Variants in BCAR3 observed in about 807,000 individuals in gnomAD.
BCAR3 encodes breast cancer anti-estrogen resistance protein 3.
Under a neutral mutation model 80.1 loss-of-function variants are expected in BCAR3, and 37 were observed. The ratio of observed to expected loss-of-function variants is 0.46; its 90% CI spans 0.36 to 0.61. The LOEUF (loss-of-function observed/expected upper bound fraction) is 0.61, where lower values mean the gene tolerates loss of function less well. Among genes scored for constraint, BCAR3 ranks in the 20% least tolerant of loss-of-function variants. The probability of loss-of-function intolerance (pLI) is 0.00; values close to 1 mark genes in which losing one functional copy is unlikely to be tolerated. For missense variants in BCAR3, 978 were observed against 1,068.2 expected (o/e 0.92, Z 1.18); for synonymous variants, 389 against 418.9 (o/e 0.93, Z 0.87).
intron 2 of BCAR3, among the ~76,000 whole-genome samples, chr1:93,813,334 G>A (rs1387624080): frequency 6.6e-6 from 1 of 152,122 alleles, no homozygotes. Context: ...GTGGGCTGAA[G>A]CCACACTTTA....
At chr1:93,763,008 A>G (rs760763768) in intron 2 of BCAR3, among the ~76,000 whole-genome samples, 2 of 152,164 alleles carry the variant, frequency 1.3e-5, no homozygotes, top group Non-Finnish European at 2.9e-5. Flanking sequence ...GGTTCATTCC[A>G]AAAGACAAAT....
intron 2 of BCAR3, among the ~76,000 whole-genome samples, chr1:93,790,072 C>T (rs780465293): frequency 1.2e-4 from 18 of 152,082 alleles, no homozygotes; most frequent in Non-Finnish European, 2.2e-4. Context: ...CATTCTATGG[C>T]TATTAGTTCA....
At chr1:93,571,971 A>AT in intron 8 of BCAR3, 130 bp from the exon 9 acceptor site, 1 of 1,114,128 alleles carries the variant, frequency 9.0e-7, no homozygotes, top group Non-Finnish European at 1.3e-6. Context: ...CCGGCAGCAC[A>AT]GTTTAGACGG....
chr1:93,597,399 C>T (rs1323183446), intron 3 of BCAR3, among the ~76,000 whole-genome samples: 1 of 152,188 alleles, frequency 6.6e-6, no homozygotes, highest in African/African-American at 2.4e-5. Flanking sequence ...CTAGCTACAT[C>T]TTTCCTATCC....
chr1:93,598,616 G>C (rs1015959470), intron 3 of BCAR3, among the ~76,000 whole-genome samples: 1 of 152,210 alleles, frequency 6.6e-6, no homozygotes, highest in African/African-American at 2.4e-5. Flanking sequence ...GACACACAAA[G>C]AACAGTTTAA....
At chr1:93,604,999 A>C (rs1319544510) in intron 3 of BCAR3, among the ~76,000 whole-genome samples, 1 of 152,176 alleles carries the variant, frequency 6.6e-6, no homozygotes, top group Non-Finnish European at 1.5e-5. Flanking sequence ...CTCAGCTCCA[A>C]GGGGGTCTCA....
At chr1:93,688,066 C>T (rs1281933233) in intron 3 of BCAR3, among the ~76,000 whole-genome samples, 1 of 152,198 alleles carries the variant, frequency 6.6e-6, no homozygotes, top group Non-Finnish European at 1.5e-5. Context: ...AAGTCTTACC[C>T]TCTAGGTGCC....
intron 2 of BCAR3, among the ~76,000 whole-genome samples, chr1:93,799,307 G>A (rs910905337): frequency 4.6e-5 from 7 of 152,296 alleles, no homozygotes; most frequent in Non-Finnish European, 8.8e-5. Context: ...CAAAGCAGGC[G>A]CCCTTGTAAG....
intron 2 of BCAR3, among the ~76,000 whole-genome samples, chr1:93,670,610 CT>C (rs1419550181): frequency 1.3e-5 from 2 of 152,144 alleles, no homozygotes; most frequent in African/African-American, 2.4e-5. Flanking sequence ...AAGGTATGAT[CT>C]TAGGTGCCTC....
At chr1:93,707,944 G>A (rs187897926) in intron 2 of BCAR3, among the ~76,000 whole-genome samples, 142 of 152,190 alleles carry the variant, frequency 9.3e-4, no homozygotes, top group African/African-American at 3.2e-3. Flanking sequence ...AATAAACAAC[G>A]AGGTAAATAG....
At chr1:93,650,039 C>T (rs1676273258) in intron 2 of BCAR3, among the ~76,000 whole-genome samples, 1 of 149,954 alleles carries the variant, frequency 6.7e-6, no homozygotes, top group Non-Finnish European at 1.5e-5. Flanking sequence ...TGATCAAATT[C>T]ATTAATCAAG....
intron 2 of BCAR3, among the ~76,000 whole-genome samples, chr1:93,728,929 G>A (rs551810423): frequency 3.3e-5 from 5 of 152,216 alleles, no homozygotes; most frequent in Admixed American, 1.3e-4. Flanking sequence ...ACTTAGGTCC[G>A]TGGGGGTGGA....
At chr1:93,758,400 G>C (rs537193814) in intron 2 of BCAR3, among the ~76,000 whole-genome samples, 58 of 152,338 alleles carry the variant, frequency 3.8e-4, no homozygotes, top group Admixed American at 3.2e-3. Flanking sequence ...CAGACCCAGT[G>C]TGAAGAAGAA....
intron 2 of BCAR3, chr1:93,753,077 A>C (rs1264222224): frequency 6.6e-6 from 1 of 152,234 alleles, no homozygotes; most frequent in African/African-American, 2.4e-5. Context: ...TTAAAATTAC[A>C]GTTTAAATGT....
intron 2 of BCAR3, among the ~76,000 whole-genome samples, chr1:93,723,783 A>G (rs1650488832): frequency 1.3e-5 from 2 of 152,228 alleles, no homozygotes; most frequent in South Asian, 4.2e-4. Context: ...TGTGATAACC[A>G]CTGAAGGAGG....
At chr1:93,629,735 T>G (rs1320517136) in intron 3 of BCAR3, among the ~76,000 whole-genome samples, 6 of 152,182 alleles carry the variant, frequency 3.9e-5, no homozygotes, top group Non-Finnish European at 7.4e-5. Context: ...AGTTACTGAC[T>G]CCCTATAGTT....
intron 2 of BCAR3, among the ~76,000 whole-genome samples, chr1:93,661,677 C>A (rs540225619): frequency 1.4e-4 from 21 of 151,290 alleles, no homozygotes; most frequent in African/African-American, 4.9e-4. Flanking sequence ...TTAATAGAGA[C>A]GGGGTTTCAC....
At chr1:93,636,051 T>C (rs551740141) in intron 3 of BCAR3, among the ~76,000 whole-genome samples, 3 of 152,346 alleles carry the variant, frequency 2.0e-5, no homozygotes, top group Non-Finnish European at 4.4e-5. Context: ...TTTTTAAATA[T>C]GCTGGGTGAC....
intron 2 of BCAR3, among the ~76,000 whole-genome samples, chr1:93,799,320 T>C (rs1653395807): frequency 6.6e-6 from 1 of 152,152 alleles, no homozygotes. Context: ...CTTGTAAGAT[T>C]TTCCTTTATT....
Sources: allele counts gnomAD v4.1 joint callset (sites outside exome capture counted in the v4.1 genomes callset), GRCh38; gene constraint gnomAD v4.1.1; transcripts MANE v1.5; gene names NCBI Gene and HGNC (gene_info 2026-07-23, HGNC 2026-07-21).